The following EPHA6 variants were observed in gnomAD, a reference collection of about 807,000 sequenced individuals.
EPHA6 encodes EPH receptor A6.
Under a neutral mutation model 112.0 loss-of-function variants are expected in EPHA6, and 50 were observed. That is an observed-to-expected ratio of 0.45 (90% confidence interval 0.36 to 0.56). The LOEUF (loss-of-function observed/expected upper bound fraction) is 0.56. EPHA6 is among the 20% of genes least tolerant of loss of function. EPHA6 has a pLI of 0.00. For synonymous variants in EPHA6, 529 were observed against 490.7 expected, an observed-to-expected ratio of 1.08 and a Z score of -1.03; for missense variants, 1,280 against 1,417.4, an observed-to-expected ratio of 0.90 and a Z score of 1.56.
chr3:96,851,625 T>C (rs900966732), intron 1 of EPHA6, among the ~76,000 whole-genome samples: 1 of 152,102 alleles, frequency 6.6e-6, no homozygotes, highest in African/African-American at 2.4e-5. Flanking sequence ...AGGAGACCCG[T>C]TAAACTTGCC....
chr3:97,018,700 A>G (rs2044349192), intron 3 of EPHA6, among the ~76,000 whole-genome samples: 1 of 152,256 alleles, frequency 6.6e-6, no homozygotes, highest in Non-Finnish European at 1.5e-5. Context: ...ACTGAAGCAC[A>G]GCATCACAGG....
chr3:97,717,411 T>C (rs1320410906), intron 14 of EPHA6, among the ~76,000 whole-genome samples: 5 of 152,150 alleles, frequency 3.3e-5, no homozygotes, highest in South Asian at 2.1e-4. Context: ...GTTTAAACAA[T>C]AGGAATTTAT....
chr3:96,928,022 AAC>A (rs1446378511), intron 2 of EPHA6, among the ~76,000 whole-genome samples: 1 of 152,166 alleles, frequency 6.6e-6, no homozygotes, highest in African/African-American at 2.4e-5. Context: ...ACTTTTGCAA[AAC>A]TATCAGATCC....
intron 5 of EPHA6, among the ~76,000 whole-genome samples, chr3:97,345,060 T>C (rs1254235332): frequency 6.6e-6 from 1 of 150,530 alleles, no homozygotes; most frequent in Non-Finnish European, 1.5e-5. Flanking sequence ...TGAGGCAAAG[T>C]AGAGGGAAGC....
At chr3:97,587,037 G>T (rs113416542) in intron 11 of EPHA6, among the ~76,000 whole-genome samples, 40,040 of 152,020 alleles carry the variant, frequency 0.26, 7,896 homozygotes, top group African/African-American at 0.54. Context: ...GAGGTCAGGA[G>T]TTGGAGACCA....
chr3:97,419,577 A>C (rs1184112995), intron 6 of EPHA6, among the ~76,000 whole-genome samples: 2 of 151,994 alleles, frequency 1.3e-5, no homozygotes, highest in Non-Finnish European at 2.9e-5. Context: ...GTGAGGTGAG[A>C]TCTTGCCACT....
chr3:97,328,428 T>G (rs1273329031), intron 5 of EPHA6, among the ~76,000 whole-genome samples: 1 of 152,062 alleles, frequency 6.6e-6, no homozygotes, highest in Non-Finnish European at 1.5e-5. Context: ...GGTTTTAATT[T>G]GCATTCTCCT....
chr3:97,664,374 C>T (rs1436579918), intron 14 of EPHA6, among the ~76,000 whole-genome samples: 1 of 152,006 alleles, frequency 6.6e-6, no homozygotes, highest in African/African-American at 2.4e-5. Flanking sequence ...CTTTTGTTGC[C>T]ATTGAAACTG....
chr3:97,083,812 A>G (rs1181524164), intron 3 of EPHA6, among the ~76,000 whole-genome samples: 1 of 151,806 alleles, frequency 6.6e-6, no homozygotes, highest in Non-Finnish European at 1.5e-5. Flanking sequence ...TATTTGTAAT[A>G]GTTAAGTAAT....
intron 13 of EPHA6, among the ~76,000 whole-genome samples, chr3:97,616,367 C>T (rs1247680691): frequency 6.6e-6 from 1 of 152,150 alleles, no homozygotes; most frequent in Non-Finnish European, 1.5e-5. Flanking sequence ...GCCAGAGTGT[C>T]CTCTTTCCTC....
chr3:96,914,814 A>AG (rs780606159), intron 2 of EPHA6, among the ~76,000 whole-genome samples: 2 of 152,054 alleles, frequency 1.3e-5, no homozygotes, highest in African/African-American at 2.4e-5. Context: ...AGAAATTAAA[A>AG]GTGTGTTGAA....
At chr3:96,878,521 G>C (rs1315750460) in intron 2 of EPHA6, among the ~76,000 whole-genome samples, 3 of 152,000 alleles carry the variant, frequency 2.0e-5, no homozygotes, top group African/African-American at 4.8e-5. Flanking sequence ...AATGCAGATA[G>C]AATAGTTAGA....
intron 11 of EPHA6, among the ~76,000 whole-genome samples, chr3:97,590,848 G>C (rs1180788472): frequency 6.6e-6 from 1 of 152,178 alleles, no homozygotes; most frequent in Non-Finnish European, 1.5e-5. Context: ...GGTATTCAAT[G>C]ATGCACCTTC....
intron 3 of EPHA6, among the ~76,000 whole-genome samples, chr3:97,142,253 A>G (rs1461142833): frequency 6.6e-6 from 1 of 152,024 alleles, no homozygotes; most frequent in African/African-American, 2.4e-5. Context: ...CTTAGAAATA[A>G]CAACAAGAAC....
At chr3:97,402,912 T>C (rs1231760584) in intron 5 of EPHA6, among the ~76,000 whole-genome samples, 1 of 152,152 alleles carries the variant, frequency 6.6e-6, no homozygotes. Flanking sequence ...TGCCAAACTT[T>C]TAATACTTAA....
chr3:97,032,191 G>C (rs916568006), intron 3 of EPHA6, among the ~76,000 whole-genome samples: 4 of 151,942 alleles, frequency 2.6e-5, no homozygotes, highest in African/African-American at 7.2e-5. Context: ...GAAAACTATC[G>C]CAAGGACAAA....
At chr3:97,145,898 C>T (rs776074437) in intron 3 of EPHA6, among the ~76,000 whole-genome samples, 1 of 150,996 alleles carries the variant, frequency 6.6e-6, no homozygotes, top group African/African-American at 2.4e-5. Flanking sequence ...AAATTCTTGT[C>T]GCCAAAGTAT....
chr3:97,213,152 C>G (rs1434003011), intron 3 of EPHA6, among the ~76,000 whole-genome samples: 1 of 152,132 alleles, frequency 6.6e-6, no homozygotes, highest in Non-Finnish European at 1.5e-5. Context: ...TCCATGTTCT[C>G]CGGGTAGTTT....
chr3:97,508,579 A>T (rs559705852), intron 10 of EPHA6, among the ~76,000 whole-genome samples: 1 of 152,252 alleles, frequency 6.6e-6, no homozygotes, highest in South Asian at 2.1e-4. Flanking sequence ...ACTTCCAATT[A>T]TGTGGTCAAT....
Sources: allele counts gnomAD v4.1 joint callset (sites outside exome capture counted in the v4.1 genomes callset), GRCh38; gene constraint gnomAD v4.1.1; transcripts MANE v1.5; gene names NCBI Gene and HGNC (gene_info 2026-07-23, HGNC 2026-07-21).